The following VAV1 variants were observed in gnomAD, a reference collection of about 807,000 sequenced individuals.
The protein encoded by VAV1 is vav guanine nucleotide exchange factor 1, also known as proto-oncogene vav.
Under a neutral mutation model 128.1 loss-of-function variants are expected in VAV1, and 33 were observed. That is an observed-to-expected ratio of 0.26 (90% CI 0.20 to 0.34). The LOEUF is 0.34. Among genes scored for constraint, VAV1 ranks in the 10% least tolerant of loss-of-function variants. VAV1 has a pLI of 1.00. For missense variants in VAV1, 715 were observed against 1,093.7 expected, an observed-to-expected ratio of 0.65 and a Z score of 4.88; for synonymous variants, 394 against 409.8, an observed-to-expected ratio of 0.96 and a Z score of 0.47.
intron 21 of VAV1, among the ~76,000 whole-genome samples, chr19:6,840,863 T>C (rs1972357388): frequency 6.6e-6 from 1 of 152,002 alleles, no homozygotes; most frequent in African/African-American, 2.4e-5. Flanking sequence ...CACTGCAACC[T>C]CAGCCTCCCG....
In VAV1 at chr19:6,828,100, G is replaced by A. The variant is rs1291265584; in HGVS notation, c.952G>A (p.Gly318Arg). ...LEECSQRANN[G>R]RFTLRDLLMV... ...GGAATGTTCTCAGAGAGCCAACAAC[G>A]GGAGGTTCACCCTGCGGGACCTGCT... Residue 318 changes from glycine (G) to arginine (R), a missense_variant, in exon 10 of 27, where the codon GGG (glycine) becomes AGG (arginine). Gly to Arg is a moderately radical substitution (Grantham distance 125). Coordinates refer to ENST00000602142, the MANE Select transcript of VAV1 (RefSeq NM_005428.4). The surrounding 1 kb of genome is among the most constrained non-coding windows in gnomAD (Gnocchi z 4.5). 1.2e-6 allele frequency: 2 copies of A among 1,614,010 alleles called. No homozygotes were observed. The highest frequency in any genetic ancestry group is 1.7e-5 in the Admixed American group (1 of 59,990).
intron 1 of VAV1, among the ~76,000 whole-genome samples, chr19:6,817,433 G>A (rs551076505): frequency 2.6e-5 from 4 of 152,138 alleles, no homozygotes; most frequent in South Asian, 2.1e-4. Flanking sequence ...ATCACCTGAG[G>A]AGAGTGTTAA....
At chr19:6,844,060 CTTCTTTTTTTTTTTTTTT>C (rs1568316116) in intron 22 of VAV1, among the ~76,000 whole-genome samples, 48 of 18,822 alleles carry the variant, frequency 2.6e-3, no homozygotes, top group Non-Finnish European at 3.3e-3. Flanking sequence ...TCTTCTTCTT[CTTCTTTTTTTTTTTTTTT>C]TTTTTTTTTT....
At chr19:6,832,531 T>C (rs1431574902) in intron 15 of VAV1, among the ~76,000 whole-genome samples, 1 of 146,714 alleles carries the variant, frequency 6.8e-6, no homozygotes, top group Non-Finnish European at 1.5e-5. Flanking sequence ...TTCCTCCTCC[T>C]CCCCTTCCTC....
At chr19:6,809,265 G>T (rs34296431) in intron 1 of VAV1, among the ~76,000 whole-genome samples, 2,669 of 152,038 alleles carry the variant, frequency 0.018, 28 homozygotes, top group Non-Finnish European at 0.027. Context: ...GTAGAGACGG[G>T]GTCTTGCTTT....
At chr19:6,833,453 T>G in intron 16 of VAV1, 75 bp from the exon 17 acceptor site, 1 of 1,468,260 alleles carries the variant, frequency 6.8e-7, no homozygotes, top group Non-Finnish European at 9.2e-7. Context: ...AGGGGTCCCT[T>G]TATGTTTTTA....
Position 6,821,812 on chromosome 19 carries a change from G to C in VAV1, c.402G>C (p.Glu134Asp). 1 of 1,614,194 alleles carries C rather than the reference G, an allele frequency of 6.2e-7. No individual in the cohort carries two copies. Among genetic ancestry groups the C allele is most frequent in the South Asian group, 1.1e-5 (1 of 91,086 alleles). The change falls in exon 4 of 27, where the codon GAG (glutamate) becomes GAC (aspartate). Residue 134 changes from glutamate (E) to aspartate (D), a missense_variant. Around this residue, in one of 3 missense-constraint regions of VAV1, gnomAD observed 302 missense variants for 477.8 expected, o/e 0.63. Transcript: ENST00000602142. ...CCAGGCCCTTCCCCACCGAGGAGGAGAGTGTAGGTGATGAAGACATCTACA... is the reference window on the plus strand; with the variant it reads ...CCAGGCCCTTCCCCACCGAGGAGGACAGTGTAGGTGATGAAGACATCTACA... ...RGIMPFPTEE[E>D]SVGDEDIYSG... is the part of the protein sequence containing the mutation.
At chr19:6,839,228 T>C (rs1972308599) in intron 21 of VAV1, among the ~76,000 whole-genome samples, 1 of 150,664 alleles carries the variant, frequency 6.6e-6, no homozygotes, top group Non-Finnish European at 1.5e-5. Flanking sequence ...TGTGATTTTT[T>C]TTTTTTTTAG....
intron 23 of VAV1, among the ~76,000 whole-genome samples, chr19:6,849,933 T>G (rs1468116493): frequency 6.6e-6 from 1 of 152,150 alleles, no homozygotes; most frequent in Non-Finnish European, 1.5e-5. Context: ...CAATTACTTT[T>G]TCCTTTGGGT....
At chr19:6,808,756 G>C (rs1971451650) in intron 1 of VAV1, among the ~76,000 whole-genome samples, 1 of 152,272 alleles carries the variant, frequency 6.6e-6, no homozygotes, top group African/African-American at 2.4e-5. Context: ...GACAATATTT[G>C]TTATTCCAAT....
intron 1 of VAV1, among the ~76,000 whole-genome samples, chr19:6,796,800 T>C (rs1971146296): frequency 6.6e-6 from 1 of 152,210 alleles, no homozygotes; most frequent in Non-Finnish European, 1.5e-5. Flanking sequence ...AGACAAGCTA[T>C]GTAATATACT....
intron 1 of VAV1, among the ~76,000 whole-genome samples, chr19:6,812,223 A>G (rs1015856322): frequency 6.6e-6 from 1 of 152,210 alleles, no homozygotes; most frequent in African/African-American, 2.4e-5. Flanking sequence ...GACAGCAGGA[A>G]TAGAACTAAG....
chr19:6,773,153 G>T (rs577744714), intron 1 of VAV1, 142 bp downstream of exon 1: 63 of 1,152,804 alleles, frequency 5.5e-5, no homozygotes, highest in Non-Finnish European at 6.3e-5. Flanking sequence ...GCTGGCCCAG[G>T]GGGTGGTCAC....
chr19:6,843,267 G>A (rs542667315), intron 22 of VAV1, 101 bp downstream of exon 22: 4 of 1,360,290 alleles, frequency 2.9e-6, no homozygotes, highest in East Asian at 4.6e-5. Flanking sequence ...TATGCATTCT[G>A]TGATCCCTGA....
chr19:6,825,142 C>T, intron 7 of VAV1, 21 bp downstream of exon 7: 2 of 1,608,334 alleles, frequency 1.2e-6, no homozygotes, highest in South Asian at 2.2e-5. Context: ...CGATCCCCAG[C>T]CCTCTTGGGT....
chr19:6,838,995 C>T (rs763685123), intron 21 of VAV1, among the ~76,000 whole-genome samples: 17 of 151,984 alleles, frequency 1.1e-4, no homozygotes, highest in South Asian at 4.1e-4. Flanking sequence ...CTCCGCCTTC[C>T]GGTTTCAAGC....
Position 6,777,711 on chromosome 19 carries a change from G to A in VAV1, c.204+4700G>A, listed in dbSNP as rs527866484. ...GGTCAGGTTGGATGAATCTCCAAGCGGCTGGTCCCCTTGAGATCTGAGGCC... is the reference window on the plus strand; with the variant it reads ...GGTCAGGTTGGATGAATCTCCAAGCAGCTGGTCCCCTTGAGATCTGAGGCC... On this transcript the variant is annotated intron_variant, in intron 1 of 26. Coordinates refer to ENST00000602142, the MANE Select transcript of VAV1 (RefSeq NM_005428.4). The surrounding 1 kb of genome is among the most constrained non-coding windows in gnomAD (Gnocchi z 4.4). Among the ~76,000 whole-genome samples, 11 of 152,244 alleles carry A rather than the reference G, an allele frequency of 7.2e-5. 1 individual carries two copies. The highest frequency in any genetic ancestry group is 4.1e-4 in the South Asian group (2 of 4,822).
Position 6,821,857 on chromosome 19 carries a change from C to T in VAV1, c.447C>T (p.Ile149=), listed in dbSNP as rs375229186. 349 of 1,614,016 alleles carry T rather than the reference C, an allele frequency of 2.2e-4. 1 individual carries two copies. The highest frequency in any genetic ancestry group is 4.7e-4 in the East Asian group (21 of 44,898). ...TCTACAGTGGCCTGTCCGACCAGATCGAGTGAGTGCTCAGGCCTGTGGCCG... is the reference window on the plus strand; with the variant it reads ...TCTACAGTGGCCTGTCCGACCAGATTGAGTGAGTGCTCAGGCCTGTGGCCG... ...EDIYSGLSDQ[I]DDTVEEDEDL... Residue 149 remains isoleucine, a splice_region_variant and synonymous_variant, in exon 4 of 27, where the codon ATC becomes ATT. Transcript: ENST00000602142.
At chr19:6,796,129 C>T (rs1488045414) in intron 1 of VAV1, among the ~76,000 whole-genome samples, 2 of 152,182 alleles carry the variant, frequency 1.3e-5, no homozygotes, top group Admixed American at 1.3e-4. Flanking sequence ...TCCCGCTTCT[C>T]AACACCATTG....
Sources: allele counts gnomAD v4.1 joint callset (sites outside exome capture counted in the v4.1 genomes callset), GRCh38; gene constraint gnomAD v4.1.1; regional missense constraint gnomAD v4.1.1; non-coding constraint Gnocchi (gnomAD v3.1); transcripts MANE v1.5; gene names NCBI Gene and HGNC (gene_info 2026-07-23, HGNC 2026-07-21).